SUDS3: variants seen among roughly 807,000 people sequenced by gnomAD.
The protein encoded by SUDS3 is SIN3A corepressor complex component SDS3.
A neutral mutation model predicts 53.5 loss-of-function variants in SUDS3; 23 were observed. The ratio of observed to expected loss-of-function variants is 0.43; its 90% CI spans 0.31 to 0.61. SUDS3 has a LOEUF of 0.61. Ranked by LOEUF, SUDS3 falls within the 20% of genes least tolerant of loss-of-function variation. The pLI is 0.10. For synonymous variants in SUDS3, 150 were observed against 148.5 expected, an observed-to-expected ratio of 1.01 and a Z score of -0.08; for missense variants, 291 against 405.9, an observed-to-expected ratio of 0.72 and a Z score of 2.43.
At chr12:118,377,523 C>G (rs2046011481) in intron 1 of SUDS3, among the ~76,000 whole-genome samples, 1 of 150,412 alleles carries the variant, frequency 6.6e-6, no homozygotes, top group Non-Finnish European at 1.5e-5. Context: ...CCACCCGCCC[C>G]CCTCCCGGAA....
At chr12:118,399,407 C>T (rs1353336024) in intron 6 of SUDS3, among the ~76,000 whole-genome samples, 3 of 152,170 alleles carry the variant, frequency 2.0e-5, no homozygotes, top group Admixed American at 1.3e-4. Flanking sequence ...GAGGCTGAGG[C>T]ATGAGACTCG....
At chr12:118,395,051 C>T (rs976315015) in intron 6 of SUDS3, among the ~76,000 whole-genome samples, 4 of 151,920 alleles carry the variant, frequency 2.6e-5, no homozygotes, top group African/African-American at 4.8e-5. Context: ...AAGTTTCACG[C>T]GTATGCAATA....
chr12:118,397,158 G>A (rs988834828), intron 6 of SUDS3, among the ~76,000 whole-genome samples: 14 of 152,124 alleles, frequency 9.2e-5, no homozygotes, highest in Admixed American at 5.2e-4. Flanking sequence ...CAGCCAGTTC[G>A]AGTTTTTTTA....
At chr12:118,379,646 A>C (rs1363203347) in intron 1 of SUDS3, among the ~76,000 whole-genome samples, 2 of 152,170 alleles carry the variant, frequency 1.3e-5, no homozygotes, top group African/African-American at 4.8e-5. Context: ...TGTACATACT[A>C]GTTTTTTTCT....
At chr12:118,393,319 G>A (rs1339015519) in intron 6 of SUDS3, among the ~76,000 whole-genome samples, 1 of 152,128 alleles carries the variant, frequency 6.6e-6, no homozygotes, top group African/African-American at 2.4e-5. Context: ...CAACATGAAC[G>A]TCTCTTGAAA....
At chr12:118,380,117 G>A (rs775854397) in intron 1 of SUDS3, 45 bp from the exon 2 acceptor site, 19 of 1,523,652 alleles carry the variant, frequency 1.2e-5, no homozygotes, top group South Asian at 3.5e-5. Context: ...CGCCAACTCC[G>A]TGAATTATGA....
intron 6 of SUDS3, among the ~76,000 whole-genome samples, chr12:118,392,620 T>C (rs2046177491): frequency 1.3e-5 from 2 of 152,184 alleles, no homozygotes. Context: ...ATGAGACCAG[T>C]AGCACCGTGG....
chr12:118,412,209 T>G (rs1448194649), intron 11 of SUDS3, among the ~76,000 whole-genome samples: 5 of 152,230 alleles, frequency 3.3e-5, no homozygotes, highest in Non-Finnish European at 5.9e-5. Flanking sequence ...ATGAGGAGTA[T>G]ATAAGCAATG....
At position 118,380,422 on chromosome 12, in the gene SUDS3, G is replaced by T. The variant is rs1237686180; in HGVS notation, c.212+191G>T. Among the ~76,000 whole-genome samples the T allele has an allele frequency of 7.9e-5, 12 of 152,294 alleles. No individual in the cohort carries two copies. In the East Asian group the frequency reaches 1.2e-3, roughly 15 times the overall value. On this transcript the variant is annotated intron_variant, in intron 2 of 11. Transcript: ENST00000543473. ...TTTTTGGATGTGGGATGCTCAGCTGGTAAGTATATTGCAAATAATCTAAAA... is the reference window on the plus strand; with the variant it reads ...TTTTTGGATGTGGGATGCTCAGCTGTTAAGTATATTGCAAATAATCTAAAA...
chr12:118,405,415 A>G (rs1210848450), intron 10 of SUDS3, among the ~76,000 whole-genome samples: 1 of 152,192 alleles, frequency 6.6e-6, no homozygotes, highest in Admixed American at 6.5e-5. Context: ...TTTTTAAAGA[A>G]GAGATCCACA....
At chr12:118,408,262 G>T (rs1195196448) in intron 10 of SUDS3, among the ~76,000 whole-genome samples, 1 of 151,430 alleles carries the variant, frequency 6.6e-6, no homozygotes, top group Non-Finnish European at 1.5e-5. Flanking sequence ...TCGAACCCCT[G>T]AGCTCAGGCA....
At chr12:118,388,114 GTTATAGGAATGATCAC>G (rs1838986110) in intron 4 of SUDS3, among the ~76,000 whole-genome samples, 1 of 152,202 alleles carries the variant, frequency 6.6e-6, no homozygotes, top group African/African-American at 2.4e-5. Flanking sequence ...ATCTGAAGCT[GTTATAGGAATGATCAC>G]ATTGGGTTGG....
At chr12:118,379,185 C>G (rs185488848) in intron 1 of SUDS3, among the ~76,000 whole-genome samples, 1 of 151,724 alleles carries the variant, frequency 6.6e-6, no homozygotes, top group Non-Finnish European at 1.5e-5. Flanking sequence ...GCCTGTAATC[C>G]CAGCACTTTG....
chr12:118,376,610 G>C lies in SUDS3; in HGVS notation c.-82G>C. 1 of 1,275,140 alleles carries C rather than the reference G, an allele frequency of 7.8e-7. No homozygotes were observed. The highest frequency in any genetic ancestry group is 1.5e-5 in the African/African-American group (1 of 64,564). 79.0% of individuals were successfully genotyped at this position (1,275,140 alleles called of 1,614,324 possible). On this transcript the variant is annotated 5_prime_UTR_variant, in exon 1 of 12. Coordinates refer to ENST00000543473, the MANE Select transcript of SUDS3 (RefSeq NM_022491.3). ...GGTCCTCGAGTTGGGGGCTGCCGCG[G>C]ACACTGCTAGGCAGACGGCGAGTAC...
chr12:118,394,976 C>T (rs984914922), intron 6 of SUDS3, among the ~76,000 whole-genome samples: 1 of 152,262 alleles, frequency 6.6e-6, no homozygotes, highest in Non-Finnish European at 1.5e-5. Context: ...TGAGCTACTA[C>T]ATCTGGCTTT....
intron 10 of SUDS3, 45 bp downstream of exon 10, chr12:118,403,562 C>A (rs201273293): frequency 6.7e-7 from 1 of 1,492,678 alleles, no homozygotes; most frequent in Admixed American, 1.8e-5. Flanking sequence ...TCATATGAAC[C>A]ACTTGGAAAG....
chr12:118,397,575 G>T (rs2046227281), intron 6 of SUDS3, among the ~76,000 whole-genome samples: 1 of 152,138 alleles, frequency 6.6e-6, no homozygotes, highest in South Asian at 2.1e-4. Flanking sequence ...CTATTGGCCA[G>T]GACTGCTCCC....
chr12:118,410,584 A>ATTTATTTAT lies in SUDS3; in HGVS notation c.804-486_804-478dup, dbSNP rs1566211307. On this transcript the variant is annotated intron_variant, in intron 10 of 11. Coordinates refer to ENST00000543473, the MANE Select transcript of SUDS3 (RefSeq NM_022491.3). ...ATTTATTTATTTATTTATTTATTTT[A>ATTTATTTAT]TTTATTTATTTATTTATTTATTTAT... Among the ~76,000 whole-genome samples the ATTTATTTAT allele has an allele frequency of 5.2e-5, 7 of 135,664 alleles. No individual in the cohort carries two copies. In the East Asian group the frequency reaches 1.3e-3, roughly 26 times the overall value. 89.0% of individuals were successfully genotyped at this position (135,664 alleles called of 152,430 possible).
intron 1 of SUDS3, 76 bp downstream of exon 1, chr12:118,376,909 AGGGGC>A: frequency 2.0e-5 from 5 of 246,980 alleles, no homozygotes; most frequent in Non-Finnish European, 2.9e-5. Flanking sequence ...TGTTCGGGAG[AGGGGC>A]GGGGCGGCCT....
Sources: gnomAD v4.1 joint callset for allele counts (sites outside exome capture counted in the v4.1 genomes callset) on GRCh38, gnomAD v4.1.1 for gene constraint, MANE v1.5 for transcripts, NCBI Gene and HGNC (gene_info 2026-07-23, HGNC 2026-07-21) for gene names.